Variants in PPARG observed in about 807,000 individuals in gnomAD.
The protein encoded by PPARG is peroxisome proliferator-activated receptor gamma.
Under a neutral mutation model 39.2 loss-of-function variants are expected in PPARG, and 17 were observed. The observed-to-expected ratio is 0.43, with a 90% confidence interval of 0.30 to 0.65. The LOEUF (loss-of-function observed/expected upper bound fraction) is 0.65. Among genes scored for constraint, PPARG ranks in the 30% least tolerant of loss-of-function variants. The probability of loss-of-function intolerance (pLI) is 0.13; values close to 1 mark genes in which losing one functional copy is unlikely to be tolerated. For synonymous variants in PPARG, 223 were observed against 215.7 expected (o/e 1.03, Z -0.30); for missense variants, 406 against 585.9 (o/e 0.69, Z 3.17).
chr3:12,413,677 G>A (rs1020452036), intron 6 of PPARG, among the ~76,000 whole-genome samples: 4 of 151,884 alleles, frequency 2.6e-5, no homozygotes, highest in African/African-American at 7.3e-5. Flanking sequence ...AAAAATTGCC[G>A]GGCGTGGTGG....
chr3:12,306,748 C>T (rs2047075638), intron 1 of PPARG, among the ~76,000 whole-genome samples: 1 of 152,186 alleles, frequency 6.6e-6, no homozygotes, highest in African/African-American at 2.4e-5. Flanking sequence ...TTGCTTATGA[C>T]AAGATAAATT....
intron 5 of PPARG, among the ~76,000 whole-genome samples, chr3:12,404,566 G>A (rs1290501310): frequency 6.6e-6 from 1 of 152,180 alleles, no homozygotes; most frequent in East Asian, 1.9e-4. Context: ...CACTTTGGGA[G>A]GCTGAGGTGG....
intron 4 of PPARG, among the ~76,000 whole-genome samples, chr3:12,389,451 TAG>T (rs542236784): frequency 1.1e-4 from 16 of 151,942 alleles, no homozygotes; most frequent in Admixed American, 9.8e-4. Flanking sequence ...TAAAGACAAA[TAG>T]AGAGTATAAA....
chr3:12,337,577 C>G (rs1015616013), intron 2 of PPARG, among the ~76,000 whole-genome samples: 1 of 152,136 alleles, frequency 6.6e-6, no homozygotes, highest in Admixed American at 6.6e-5. Context: ...CCTATCTCCA[C>G]TTGAAAAATG....
chr3:12,304,630 T>C (rs112800576), intron 1 of PPARG, among the ~76,000 whole-genome samples: 46 of 152,354 alleles, frequency 3.0e-4, no homozygotes, highest in African/African-American at 1.1e-3. Context: ...AAACAGGTTA[T>C]ACTTTTCATT....
At chr3:12,339,697 C>T (rs1011973389) in intron 2 of PPARG, among the ~76,000 whole-genome samples, 6 of 152,180 alleles carry the variant, frequency 3.9e-5, no homozygotes, top group Admixed American at 1.3e-4. Context: ...AGTCACTTAA[C>T]CTCTTTTTGC....
chr3:12,402,895 A>C (rs999642513), intron 5 of PPARG, among the ~76,000 whole-genome samples: 9 of 152,232 alleles, frequency 5.9e-5, no homozygotes, highest in Non-Finnish European at 1.2e-4. Context: ...AGTCTCTGAT[A>C]TAAAATGGCA....
intron 2 of PPARG, among the ~76,000 whole-genome samples, chr3:12,314,278 A>AAATTAATTAATTAATTAATT (rs17425935): frequency 6.6e-6 from 1 of 151,474 alleles, no homozygotes; most frequent in African/African-American, 2.4e-5. Flanking sequence ...CCCTCTCAAA[A>AAATTAATTAATTAATTAATT]AATTAATTAA....
intron 2 of PPARG, among the ~76,000 whole-genome samples, chr3:12,366,032 A>G (rs1216117421): frequency 1.3e-5 from 2 of 152,120 alleles, no homozygotes; most frequent in Non-Finnish European, 2.9e-5. Flanking sequence ...CCTATCCATG[A>G]GCATGCAGTG....
chr3:12,313,090 A>C (rs2047294178), intron 2 of PPARG, among the ~76,000 whole-genome samples: 1 of 152,138 alleles, frequency 6.6e-6, no homozygotes, highest in Non-Finnish European at 1.5e-5. Context: ...TTTTTTGGGA[A>C]GGAAAAGGAG....
intron 6 of PPARG, among the ~76,000 whole-genome samples, chr3:12,412,414 C>A (rs539708256): frequency 6.6e-6 from 1 of 152,062 alleles, no homozygotes; most frequent in South Asian, 2.1e-4. Flanking sequence ...TTAATCCCAT[C>A]CTGAAAATCA....
Position 12,405,818 on chromosome 3 carries a change from C to T in PPARG, c.530-64C>T. ...TGTGTGGGAACGAGGGCTGGGAGAGCACAGTGTGTGTTCAGAGCAGTAGTA... is the reference window on the plus strand; with the variant it reads ...TGTGTGGGAACGAGGGCTGGGAGAGTACAGTGTGTGTTCAGAGCAGTAGTA... On this transcript the variant is annotated intron_variant, in intron 5 of 7. Coordinates refer to ENST00000651735, the MANE Select transcript of PPARG (RefSeq NM_138711.6). 9.8e-6 allele frequency: 15 copies of T among 1,528,296 alleles called. No individual in the cohort carries two copies. The South Asian group carries it at 1.1e-4, about 11-fold the overall frequency. 94.7% of individuals were successfully genotyped at this position (1,528,296 alleles called of 1,614,324 possible).
chr3:12,372,388 C>T (rs1039432758), intron 2 of PPARG, among the ~76,000 whole-genome samples: 3 of 152,144 alleles, frequency 2.0e-5, no homozygotes, highest in Non-Finnish European at 2.9e-5. Context: ...TTAGTTACTG[C>T]GTACTTTTAG....
chr3:12,399,362 G>A (rs2050383103), intron 5 of PPARG: 1 of 456,518 alleles, frequency 2.2e-6, no homozygotes, highest in Non-Finnish European at 4.4e-6. Context: ...ACTACAAAAG[G>A]ATAGTTATTA....
chr3:12,328,208 C>A, intron 2 of PPARG: 1 of 1,489,982 alleles, frequency 6.7e-7, no homozygotes, highest in South Asian at 1.2e-5. Context: ...AAAAGTCCTA[C>A]CTGGAGCGGA....
At chr3:12,405,672 A>C (rs2050632938) in intron 5 of PPARG, among the ~76,000 whole-genome samples, 1 of 152,256 alleles carries the variant, frequency 6.6e-6, no homozygotes, top group South Asian at 2.1e-4. Context: ...TAACTTTTAA[A>C]AATGAAAGTT....
chr3:12,400,949 G>A (rs1180586464), intron 5 of PPARG, among the ~76,000 whole-genome samples: 1 of 152,228 alleles, frequency 6.6e-6, no homozygotes, highest in African/African-American at 2.4e-5. Context: ...TGCATTCAGT[G>A]CAGTATTCAT....
intron 7 of PPARG, among the ~76,000 whole-genome samples, chr3:12,432,511 A>G (rs2051695236): frequency 2.0e-5 from 3 of 152,262 alleles, no homozygotes; most frequent in South Asian, 2.1e-4. Flanking sequence ...CATGTTCTCC[A>G]TAATCTATAG....
intron 1 of PPARG, among the ~76,000 whole-genome samples, chr3:12,296,184 G>A (rs2046777849): frequency 6.7e-6 from 1 of 148,194 alleles, no homozygotes; most frequent in South Asian, 2.2e-4. Flanking sequence ...CCCGGTAGGT[G>A]GAGGTTGCAG....
Sources: allele counts gnomAD v4.1 joint callset (sites outside exome capture counted in the v4.1 genomes callset), GRCh38; gene constraint gnomAD v4.1.1; transcripts MANE v1.5; gene names NCBI Gene and HGNC (gene_info 2026-07-23, HGNC 2026-07-21).